CNTN5: variants seen among roughly 807,000 people sequenced by gnomAD.
The protein encoded by CNTN5 is contactin-5.
Under a neutral mutation model 129.1 loss-of-function variants are expected in CNTN5, and 77 were observed. The observed-to-expected ratio is 0.60, with a 90% CI of 0.50 to 0.72. The LOEUF (loss-of-function observed/expected upper bound fraction) is 0.72, where lower values mean the gene tolerates loss of function less well. Ranked by LOEUF, CNTN5 falls within the 30% of genes least tolerant of loss-of-function variation. The pLI is 0.00. For missense variants in CNTN5, 1,478 were observed against 1,328.8 expected (o/e 1.11, Z -1.75); for synonymous variants, 509 against 465.6 (o/e 1.09, Z -1.20).
At chr11:99,953,903 G>T (rs1950734794) in intron 7 of CNTN5, among the ~76,000 whole-genome samples, 1 of 152,120 alleles carries the variant, frequency 6.6e-6, no homozygotes, top group Non-Finnish European at 1.5e-5. Flanking sequence ...TTTTAGTCAT[G>T]ACTTCTTTTC....
Position 99,756,497 on chromosome 11 carries a change from C to T in CNTN5, c.56-63047C>T, listed in dbSNP as rs983435538. On this transcript the variant is annotated intron_variant, in intron 3 of 24. Transcript: ENST00000524871. ...TCAGGAAAGGTAGATTGCATCTTGT[C>T]ACAAATCGAAGCACAATGAGTAAGC... Among the ~76,000 whole-genome samples, 3 of 152,066 alleles carry T rather than the reference C, an allele frequency of 2.0e-5. 1 individual carries two copies. The highest frequency in any genetic ancestry group is 7.2e-5 in the African/African-American group (3 of 41,418).
intron 13 of CNTN5, among the ~76,000 whole-genome samples, chr11:100,120,420 G>T (rs1945980377): frequency 6.6e-6 from 1 of 151,584 alleles, no homozygotes; most frequent in Non-Finnish European, 1.5e-5. Flanking sequence ...ATGTTTCAGA[G>T]GATATTAATC....
chr11:99,087,072 C>T (rs1866036297), intron 1 of CNTN5, among the ~76,000 whole-genome samples: 1 of 152,048 alleles, frequency 6.6e-6, no homozygotes. Context: ...GTTTTTTGTT[C>T]TTTCCTTACT....
chr11:99,741,789 G>A (rs1943895021), intron 3 of CNTN5, among the ~76,000 whole-genome samples: 1 of 151,936 alleles, frequency 6.6e-6, no homozygotes, highest in African/African-American at 2.4e-5. Context: ...CTTAAGGCAG[G>A]TTAAGTATTT....
chr11:99,038,995 A>G (rs1256552985), intron 1 of CNTN5, among the ~76,000 whole-genome samples: 1 of 152,106 alleles, frequency 6.6e-6, no homozygotes, highest in Non-Finnish European at 1.5e-5. Context: ...CAAATTCACA[A>G]CTAGCTAAAA....
At position 99,672,504 on chromosome 11, in the gene CNTN5, G is replaced by A. The variant is rs142588332; in HGVS notation, c.55+116235G>A. 5.3e-5 allele frequency among the ~76,000 whole-genome samples: 8 copies of A among 151,704 alleles called. 1 individual carries two copies. Among genetic ancestry groups the A allele is most frequent in the Non-Finnish European group, 8.8e-5 (6 of 67,934 alleles). On this transcript the variant is annotated intron_variant, in intron 3 of 24. Coordinates refer to ENST00000524871, the MANE Select transcript of CNTN5 (RefSeq NM_014361.4). ...GCTGCAAGGCTTACTTCTCTGATATGCACCCCAAACAGAAGCTGTCCAAGC... is the reference window on the plus strand; with the variant it reads ...GCTGCAAGGCTTACTTCTCTGATATACACCCCAAACAGAAGCTGTCCAAGC...
chr11:99,541,867 T>G (rs1274393481), intron 2 of CNTN5, among the ~76,000 whole-genome samples: 1 of 149,172 alleles, frequency 6.7e-6, no homozygotes, highest in Admixed American at 6.8e-5. Flanking sequence ...TGGGAGAGCT[T>G]GAACCTAGGA....
At chr11:99,974,919 C>T (rs1937843504) in intron 8 of CNTN5, among the ~76,000 whole-genome samples, 1 of 152,080 alleles carries the variant, frequency 6.6e-6, no homozygotes, top group Non-Finnish European at 1.5e-5. Flanking sequence ...TTACATCATC[C>T]ACTTGTTTAA....
chr11:99,979,484 C>T (rs908678172), intron 8 of CNTN5, among the ~76,000 whole-genome samples: 1 of 152,046 alleles, frequency 6.6e-6, no homozygotes, highest in African/African-American at 2.4e-5. Flanking sequence ...TAGAACATCC[C>T]CAAACCAAAA....
chr11:99,322,414 A>T (rs1249927005), intron 1 of CNTN5, among the ~76,000 whole-genome samples: 1 of 152,142 alleles, frequency 6.6e-6, no homozygotes, highest in East Asian at 1.9e-4. Flanking sequence ...ATTATCAGGA[A>T]AACTTTTTTA....
intron 17 of CNTN5, among the ~76,000 whole-genome samples, chr11:100,258,844 C>T (rs1432906302): frequency 2.0e-5 from 3 of 152,096 alleles, no homozygotes; most frequent in Non-Finnish European, 2.9e-5. Context: ...CAAAAACATA[C>T]CAAATTGTAA....
chr11:99,235,040 C>G (rs888159736), intron 1 of CNTN5, among the ~76,000 whole-genome samples: 12 of 80,610 alleles, frequency 1.5e-4, no homozygotes, highest in African/African-American at 8.3e-4. Flanking sequence ...GGAAATGAAA[C>G]CTACCCTTTT....
chr11:99,625,876 CATG>C (rs1332849302), intron 3 of CNTN5, among the ~76,000 whole-genome samples: 2 of 150,824 alleles, frequency 1.3e-5, no homozygotes, highest in Admixed American at 6.6e-5. Context: ...TGTCAAGTCT[CATG>C]AGCTCATGAT....
chr11:99,851,996 A>G (rs1031412140), intron 6 of CNTN5, among the ~76,000 whole-genome samples: 6 of 152,204 alleles, frequency 3.9e-5, no homozygotes, highest in African/African-American at 9.6e-5. Context: ...GCTTTATTTC[A>G]TTAGTCTCTG....
chr11:99,670,677 G>C (rs1027450869), intron 3 of CNTN5, among the ~76,000 whole-genome samples: 18 of 152,116 alleles, frequency 1.2e-4, no homozygotes, highest in African/African-American at 4.3e-4. Context: ...TCCCACAAAT[G>C]TATCACATAC....
At chr11:99,594,864 G>A (rs1215046971) in intron 3 of CNTN5, among the ~76,000 whole-genome samples, 1 of 152,138 alleles carries the variant, frequency 6.6e-6, no homozygotes, top group Non-Finnish European at 1.5e-5. Context: ...GTTGATTTTT[G>A]ATAGGACACA....
At chr11:99,578,234 G>C (rs553782145) in intron 3 of CNTN5, among the ~76,000 whole-genome samples, 1 of 152,014 alleles carries the variant, frequency 6.6e-6, no homozygotes, top group African/African-American at 2.4e-5. Context: ...ATCATTGTTG[G>C]ACATTTGGCT....
chr11:99,330,103 G>A (rs1865940657), intron 2 of CNTN5, among the ~76,000 whole-genome samples: 1 of 141,414 alleles, frequency 7.1e-6, no homozygotes, highest in Non-Finnish European at 1.5e-5. Flanking sequence ...AGGAAAAGAA[G>A]TACATCAGGA....
chr11:99,217,994 G>C (rs1218827243), intron 1 of CNTN5, among the ~76,000 whole-genome samples: 3 of 152,048 alleles, frequency 2.0e-5, no homozygotes, highest in East Asian at 1.9e-4. Context: ...CTATTTCTTT[G>C]CTTCCTTTTA....
Sources: allele counts gnomAD v4.1 joint callset (sites outside exome capture counted in the v4.1 genomes callset), GRCh38; gene constraint gnomAD v4.1.1; transcripts MANE v1.5; gene names NCBI Gene and HGNC (gene_info 2026-07-23, HGNC 2026-07-21).